Variants in CLTCL1 observed in about 807,000 individuals in gnomAD.
CLTCL1 encodes the protein clathrin heavy chain 2.
CLTCL1 carries 159 observed loss-of-function variants against 190.0 expected under a neutral mutation model. The observed-to-expected ratio is 0.84, with a 90% CI of 0.74 to 0.95. CLTCL1 has a LOEUF of 0.95. Among genes scored for constraint, CLTCL1 ranks in the 40% least tolerant of loss-of-function variants. The probability of loss-of-function intolerance (pLI) is 0.00; values close to 1 mark genes in which losing one functional copy is unlikely to be tolerated. For missense variants in CLTCL1, 1,878 were observed against 2,033.4 expected (o/e 0.92, Z 1.47); for synonymous variants, 752 against 769.6 (o/e 0.98, Z 0.38).
intron 11 of CLTCL1, 137 bp from the exon 12 acceptor site, chr22:19,226,520 G>C: frequency 1.1e-6 from 1 of 932,436 alleles, no homozygotes; most frequent in Non-Finnish European, 1.6e-6. Flanking sequence ...CCATACCTCT[G>C]TGGTGGCAGC....
chr22:19,233,507 T>C lies in CLTCL1; in HGVS notation c.1283A>G (p.Asn428Ser), dbSNP rs782709149. The C allele has an allele frequency of 3.1e-6, 5 of 1,614,012 alleles. No individual in the cohort carries two copies. The highest frequency in any genetic ancestry group is 2.2e-5 in the East Asian group (1 of 44,892). The change falls in exon 8 of 33, where the codon AAT (asparagine) becomes AGT (serine). Residue 428 changes from asparagine (N) to serine (S), a missense_variant. Asn to Ser is a conservative substitution (Grantham distance 46). Coordinates refer to ENST00000427926, the MANE Select transcript of CLTCL1 (RefSeq NM_007098.4). ...FGILLDQGQLNKLESLELCHL... is the reference protein window; with the variant it reads ...FGILLDQGQLSKLESLELCHL... ...GCAAAGTTCTAAGGATTCAAGTTTA[T>C]TGAGCTGACCCTGGTCGAGCAGGAT...
At chr22:19,263,452 T>C (rs573295053) in intron 2 of CLTCL1, among the ~76,000 whole-genome samples, 2 of 152,256 alleles carry the variant, frequency 1.3e-5, no homozygotes, top group South Asian at 2.1e-4. Flanking sequence ...TCTCACTCTG[T>C]CACCCAGGCT....
intron 14 of CLTCL1, among the ~76,000 whole-genome samples, chr22:19,223,110 G>C (rs1221467619): frequency 3.9e-5 from 6 of 152,150 alleles, no homozygotes; most frequent in Admixed American, 3.9e-4. Flanking sequence ...ACAGAAACCA[G>C]GCCATTCTCA....
chr22:19,281,164 G>A (rs982111149), intron 1 of CLTCL1, among the ~76,000 whole-genome samples: 117 of 151,738 alleles, frequency 7.7e-4, no homozygotes, highest in Non-Finnish European at 2.4e-4. Flanking sequence ...GCATGGTGGT[G>A]GGTGCCTGTA....
chr22:19,246,641 T>A (rs2086429944), intron 3 of CLTCL1, among the ~76,000 whole-genome samples: 1 of 152,132 alleles, frequency 6.6e-6, no homozygotes, highest in Non-Finnish European at 1.5e-5. Flanking sequence ...CACACCCGGC[T>A]AATTTTGTAT....
chr22:19,205,312 C>G (rs923100957), intron 22 of CLTCL1, among the ~76,000 whole-genome samples: 7 of 152,016 alleles, frequency 4.6e-5, no homozygotes, highest in African/African-American at 1.7e-4. Flanking sequence ...GAGTTCGAGA[C>G]CAGCCTGGGC....
rs369817270 is a variant in CLTCL1 at position 19,249,940 on chromosome 22, ATAT to A, written c.519+4016_519+4018del. ...ATGGTATGCTAAGGTTTTTCGTGGCATATTATTATTAAAGGTGAATACAAATAA... is the reference window on the plus strand; with the variant it reads ...ATGGTATGCTAAGGTTTTTCGTGGCATATTATTAAAGGTGAATACAAATAA... On this transcript the variant is annotated intron_variant, in intron 3 of 32. Coordinates refer to ENST00000427926, the MANE Select transcript of CLTCL1 (RefSeq NM_007098.4). 215 of 435,914 alleles carry A rather than the reference ATAT, an allele frequency of 4.9e-4. 1 individual carries two copies. Among genetic ancestry groups the A allele is most frequent in the South Asian group, 3.5e-3 (214 of 61,812 alleles). 27.0% of individuals were successfully genotyped at this position (435,914 alleles called of 1,614,324 possible).
chr22:19,209,220 T>C, intron 20 of CLTCL1, 106 bp from the exon 21 acceptor site: 1 of 981,060 alleles, frequency 1.0e-6, no homozygotes, highest in South Asian at 1.8e-5. Flanking sequence ...GCATGACCAT[T>C]TCACTTCAGT....
intron 1 of CLTCL1, among the ~76,000 whole-genome samples, chr22:19,284,837 C>T (rs1456669290): frequency 3.9e-5 from 6 of 152,050 alleles, no homozygotes; most frequent in Admixed American, 2.6e-4. Context: ...ACCTGTAGTC[C>T]GAGCTACTCA....
At chr22:19,211,274 C>T (rs1322211280) in intron 19 of CLTCL1, among the ~76,000 whole-genome samples, 1 of 152,114 alleles carries the variant, frequency 6.6e-6, no homozygotes, top group Non-Finnish European at 1.5e-5. Flanking sequence ...TGAGAAAGTA[C>T]ATCTACAAAA....
intron 2 of CLTCL1, among the ~76,000 whole-genome samples, chr22:19,268,099 T>A (rs564564866): frequency 6.6e-6 from 1 of 152,134 alleles, no homozygotes; most frequent in African/African-American, 2.4e-5. Context: ...CCCCAAGTGT[T>A]GGGAGATGGA....
chr22:19,191,577 G>A (rs1028621280), intron 26 of CLTCL1, 142 bp from the exon 27 acceptor site: 2 of 976,702 alleles, frequency 2.0e-6, no homozygotes, highest in Non-Finnish European at 1.5e-6. Flanking sequence ...CTGTGAAGGT[G>A]CCTCCTCTCA....
Position 19,275,572 on chromosome 22 carries a change from A to G in CLTCL1, c.250+51T>C, listed in dbSNP as rs113579968. 221 of 1,503,050 alleles carry G rather than the reference A, an allele frequency of 1.5e-4. 2 individuals are homozygous for G. In the African/African-American group the frequency reaches 2.5e-3, roughly 17 times the overall value. 93.1% of individuals were successfully genotyped at this position (1,503,050 alleles called of 1,614,324 possible). ...CACTTGTTCAATATTTAAGGTAACA[A>G]AGCAGTTAAAATGAGGTAAGATTCC... On this transcript the variant is annotated intron_variant, in intron 2 of 32. Coordinates refer to ENST00000427926, the MANE Select transcript of CLTCL1 (RefSeq NM_007098.4).
intron 2 of CLTCL1, among the ~76,000 whole-genome samples, chr22:19,275,323 C>A (rs2087462832): frequency 1.3e-5 from 2 of 151,982 alleles, no homozygotes; most frequent in Non-Finnish European, 2.9e-5. Flanking sequence ...GGCCACACAG[C>A]CTTCCTGGGA....
At position 19,183,178 on chromosome 22, in the gene CLTCL1, T is replaced by C. The variant is rs1454693590; in HGVS notation, c.4827+212A>G. The C allele has an allele frequency of 2.2e-5, 12 of 550,712 alleles. No individual in the cohort carries two copies. The Admixed American group carries it at 2.5e-4, about 11-fold the overall frequency. The allele number at this position is 550,712 out of a possible 1,614,324, so 34.1% of individuals were successfully genotyped here. On this transcript the variant is annotated intron_variant, in intron 30 of 32. Coordinates refer to ENST00000427926, the MANE Select transcript of CLTCL1 (RefSeq NM_007098.4). The stretch of plus-strand genomic sequence containing the variant: ...CAGGAGGGCTGCTGCCAGTGGGCAC[T>C]CCCCATGATGATTTTCTGGAGGGGC...
chr22:19,206,738 A>T (rs1176845487), intron 22 of CLTCL1, among the ~76,000 whole-genome samples: 1 of 151,990 alleles, frequency 6.6e-6, no homozygotes, highest in African/African-American at 2.4e-5. Context: ...TGCCCGGCCC[A>T]CTTTGTTGTT....
At chr22:19,288,245 ATTG>A (rs1272780431) in intron 1 of CLTCL1, among the ~76,000 whole-genome samples, 4 of 152,110 alleles carry the variant, frequency 2.6e-5, no homozygotes, top group African/African-American at 9.7e-5. Flanking sequence ...ATGCTGGCAT[ATTG>A]TTATTATTGT....
intron 26 of CLTCL1, 140 bp downstream of exon 26, chr22:19,196,126 T>C (rs2084694501): frequency 1.3e-6 from 1 of 797,128 alleles, no homozygotes; most frequent in Non-Finnish European, 2.0e-6. Context: ...GCCCAGAGGG[T>C]GGTGGACTCA....
intron 3 of CLTCL1, among the ~76,000 whole-genome samples, chr22:19,249,252 G>A (rs1433979678): frequency 1.3e-5 from 2 of 152,152 alleles, no homozygotes; most frequent in South Asian, 2.1e-4. Context: ...CCAGCTACTC[G>A]GGAAGCTGAG....
Sources: gnomAD v4.1 joint callset for allele counts (sites outside exome capture counted in the v4.1 genomes callset) on GRCh38, gnomAD v4.1.1 for gene constraint, MANE v1.5 for transcripts, NCBI Gene and HGNC (gene_info 2026-07-23, HGNC 2026-07-21) for gene names.